Variants in DLG2 observed in about 807,000 individuals in gnomAD.
DLG2 encodes discs large MAGUK scaffold protein 2.
Under a neutral mutation model 132.5 loss-of-function variants are expected in DLG2, and 45 were observed. That is an observed-to-expected ratio of 0.34 (90% confidence interval 0.27 to 0.44). The LOEUF (loss-of-function observed/expected upper bound fraction) is 0.44, where lower values mean the gene tolerates loss of function less well. Among genes scored for constraint, DLG2 ranks in the 20% least tolerant of loss-of-function variants. DLG2 has a pLI of 1.00. For missense variants in DLG2, 1,045 were observed against 1,196.9 expected (o/e 0.87, Z 1.87); for synonymous variants, 424 against 419.6 (o/e 1.01, Z -0.13).
chr11:84,844,137 A>C (rs201669464), intron 6 of DLG2, among the ~76,000 whole-genome samples: 4 of 40,088 alleles, frequency 1.0e-4, no homozygotes, highest in South Asian at 1.9e-3. Context: ...GTGTGTGTGT[A>C]TATATATATA....
chr11:84,985,223 A>G (rs531435142), intron 6 of DLG2, among the ~76,000 whole-genome samples: 27 of 152,342 alleles, frequency 1.8e-4, no homozygotes, highest in African/African-American at 6.3e-4. Context: ...ACCATATGAT[A>G]GGACACAAAC....
intron 3 of DLG2, among the ~76,000 whole-genome samples, chr11:85,468,627 T>C (rs1278232579): frequency 6.6e-6 from 1 of 152,152 alleles, no homozygotes; most frequent in South Asian, 2.1e-4. Flanking sequence ...CGGTTTTGAG[T>C]GAGTTTCTTA....
intron 6 of DLG2, among the ~76,000 whole-genome samples, chr11:84,668,986 C>G (rs1239493033): frequency 6.6e-6 from 1 of 152,022 alleles, no homozygotes; most frequent in African/African-American, 2.4e-5. Context: ...CTTGTTCTAA[C>G]AGGTGTATCT....
At chr11:85,033,298 C>T (rs533569054) in intron 6 of DLG2, among the ~76,000 whole-genome samples, 7 of 151,510 alleles carry the variant, frequency 4.6e-5, no homozygotes, top group Middle Eastern at 3.4e-3. Context: ...GAGAATATCC[C>T]CTGGAAATTA....
chr11:84,039,043 G>A (rs1555284918), intron 11 of DLG2, among the ~76,000 whole-genome samples: 1 of 151,896 alleles, frequency 6.6e-6, no homozygotes, highest in Non-Finnish European at 1.5e-5. Flanking sequence ...AGTTTTATTT[G>A]TTTTTTAAGA....
At position 83,488,719 on chromosome 11, in the gene DLG2, G is replaced by A. The variant is rs186950199; in HGVS notation, c.2194-4491C>T. On this transcript the variant is annotated intron_variant, in intron 21 of 27. Coordinates refer to ENST00000376104, the MANE Select transcript of DLG2 (RefSeq NM_001142699.3). ...TTAAATTTATACTGAGCTCAGATAC[G>A]TCTTTTCTGTGACCCCCTTATTGTT... 9.2e-5 allele frequency among the ~76,000 whole-genome samples: 14 copies of A among 152,040 alleles called. No individual in the cohort carries two copies. The East Asian group carries it at 1.4e-3, about 15-fold the overall frequency.
At chr11:85,479,807 C>A (rs2093243139) in intron 3 of DLG2, among the ~76,000 whole-genome samples, 1 of 152,300 alleles carries the variant, frequency 6.6e-6, no homozygotes, top group South Asian at 2.1e-4. Context: ...AGGAAAGGAT[C>A]TGTGCCAAGC....
chr11:83,620,564 G>T (rs186162511), intron 19 of DLG2, among the ~76,000 whole-genome samples: 1 of 152,008 alleles, frequency 6.6e-6, no homozygotes, highest in Non-Finnish European at 1.5e-5. Flanking sequence ...TCTAAAAGAC[G>T]TCTTTCTTTG....
At chr11:84,675,992 A>G (rs558633491) in intron 6 of DLG2, among the ~76,000 whole-genome samples, 7 of 152,164 alleles carry the variant, frequency 4.6e-5, no homozygotes, top group African/African-American at 1.7e-4. Flanking sequence ...ATAGAGTAAT[A>G]GCTACATAGC....
At chr11:85,320,778 G>A (rs187802143) in intron 3 of DLG2, among the ~76,000 whole-genome samples, 16 of 151,928 alleles carry the variant, frequency 1.1e-4, no homozygotes, top group Admixed American at 8.5e-4. Flanking sequence ...CTTAAGTCAG[G>A]AATGTACTAT....
intron 4 of DLG2, among the ~76,000 whole-genome samples, chr11:85,172,144 C>T (rs2078920186): frequency 6.6e-6 from 1 of 152,202 alleles, no homozygotes; most frequent in African/African-American, 2.4e-5. Flanking sequence ...GAATCCCTTC[C>T]TCCGGACTGG....
At chr11:85,418,875 C>A (rs1171411713) in intron 3 of DLG2, among the ~76,000 whole-genome samples, 2 of 152,142 alleles carry the variant, frequency 1.3e-5, no homozygotes, top group Non-Finnish European at 2.9e-5. Flanking sequence ...TGGGTCTTGG[C>A]TCTTTATCCT....
chr11:84,525,969 T>G (rs1459586204), intron 7 of DLG2, among the ~76,000 whole-genome samples: 1 of 152,156 alleles, frequency 6.6e-6, no homozygotes, highest in African/African-American at 2.4e-5. Flanking sequence ...GTATAATTTT[T>G]TTTCTCTGAC....
chr11:85,627,198 T>C lies in DLG2; in HGVS notation c.-260+20A>G, dbSNP rs2082081050. On this transcript the variant is annotated intron_variant, in intron 1 of 27. Transcript: ENST00000376104. ...TGAAAGGCCCCCTTATATTTACTGA[T>C]CAGAAGTTCCGGATCTCACCCCCTC... 1 of 152,208 alleles carries C rather than the reference T, an allele frequency of 6.6e-6. No individual in the cohort carries two copies. The highest frequency in any genetic ancestry group is 2.4e-5 in the African/African-American group (1 of 41,432). The allele number at this position is 152,208 out of a possible 1,614,324, so 9.4% of individuals were successfully genotyped here.
chr11:85,336,951 C>T (rs1250969787), intron 3 of DLG2, among the ~76,000 whole-genome samples: 1 of 152,314 alleles, frequency 6.6e-6, no homozygotes, highest in East Asian at 1.9e-4. Context: ...TTAGGAAGTA[C>T]TGGCTTCCAC....
At chr11:83,692,865 G>A (rs565119840) in intron 18 of DLG2, 21 of 152,222 alleles carry the variant, frequency 1.4e-4, no homozygotes, top group African/African-American at 4.8e-4. Flanking sequence ...CCAATGTAAG[G>A]GAACAAGCTT....
intron 18 of DLG2, among the ~76,000 whole-genome samples, chr11:83,672,396 C>G (rs982101425): frequency 6.6e-6 from 1 of 152,030 alleles, no homozygotes; most frequent in African/African-American, 2.4e-5. Context: ...AGGCTGGTCT[C>G]AAACTCCTGA....
At chr11:85,462,533 CA>C (rs1170029665) in intron 3 of DLG2, among the ~76,000 whole-genome samples, 1 of 152,026 alleles carries the variant, frequency 6.6e-6, no homozygotes, top group Non-Finnish European at 1.5e-5. Flanking sequence ...CCATCACTCT[CA>C]GCAAACTATC....
At chr11:84,636,885 A>C (rs1463785665) in intron 6 of DLG2, among the ~76,000 whole-genome samples, 2 of 151,776 alleles carry the variant, frequency 1.3e-5, no homozygotes, top group African/African-American at 4.8e-5. Context: ...AGGTTCAAGC[A>C]ATTCTCCTGC....
Sources: allele counts gnomAD v4.1 joint callset (sites outside exome capture counted in the v4.1 genomes callset), GRCh38; gene constraint gnomAD v4.1.1; transcripts MANE v1.5; gene names NCBI Gene and HGNC (gene_info 2026-07-23, HGNC 2026-07-21).